EFCAB3: variants seen among roughly 807,000 people sequenced by gnomAD.
EFCAB3 encodes EF-hand calcium binding domain 3.
In EFCAB3, 36 loss-of-function variants were observed where a neutral mutation model predicts 42.2. The ratio of observed to expected loss-of-function variants is 0.85; its 90% CI spans 0.65 to 1.13. The LOEUF (loss-of-function observed/expected upper bound fraction) is 1.13. EFCAB3 is among the 50% of genes most tolerant of loss of function. The probability of loss-of-function intolerance (pLI) is 0.00; values close to 1 mark genes in which losing one functional copy is unlikely to be tolerated. For synonymous variants in EFCAB3, 170 were observed against 172.8 expected, an observed-to-expected ratio of 0.98 and a Z score of 0.13; for missense variants, 418 against 505.1, an observed-to-expected ratio of 0.83 and a Z score of 1.65.
At chr17:62,387,275 G>A (rs2144069723) in intron 2 of EFCAB3, 65 bp from the exon 3 acceptor site, 1 of 1,278,586 alleles carries the variant, frequency 7.8e-7, no homozygotes, top group South Asian at 1.2e-5. Context: ...AAACTGATGA[G>A]TAAGACTAAT....
chr17:62,393,731 G>T, intron 5 of EFCAB3, 87 bp downstream of exon 5: 1 of 1,173,350 alleles, frequency 8.5e-7, no homozygotes. Context: ...CCAGTCGGGA[G>T]ACAGGTCAGG....
At chr17:62,373,703 T>C in intron 1 of EFCAB3, 1 of 653,480 alleles carries the variant, frequency 1.5e-6, no homozygotes, top group South Asian at 1.8e-5. Context: ...ATGTTTCTAG[T>C]TCTTCTAACT....
intron 6 of EFCAB3, among the ~76,000 whole-genome samples, chr17:62,399,152 A>G (rs2070379604): frequency 6.6e-6 from 1 of 151,232 alleles, no homozygotes; most frequent in African/African-American, 2.4e-5. Context: ...AAAACCTTCA[A>G]AACCCTCCCA....
At chr17:62,400,506 G>A (rs1412268673) in intron 6 of EFCAB3, among the ~76,000 whole-genome samples, 1 of 152,128 alleles carries the variant, frequency 6.6e-6, no homozygotes, top group African/African-American at 2.4e-5. Context: ...GAGACAGTTT[G>A]CTCAGAATGA....
chr17:62,379,696 T>C (rs2070180037), upstream of EFCAB3, among the ~76,000 whole-genome samples: 1 of 152,144 alleles, frequency 6.6e-6, no homozygotes, highest in Non-Finnish European at 1.5e-5. Flanking sequence ...TAGCTAAGCC[T>C]TGGGTGCCAG....
At chr17:62,407,635 G>A (rs2070459818) in intron 8 of EFCAB3, among the ~76,000 whole-genome samples, 1 of 152,146 alleles carries the variant, frequency 6.6e-6, no homozygotes, top group South Asian at 2.1e-4. Context: ...CCCTCGACTA[G>A]ATCCCCATTT....
rs2070508714 is a variant in EFCAB3 at position 62,412,582 on chromosome 17, A to G, written c.868-1150A>G. 2.0e-5 allele frequency among the ~76,000 whole-genome samples: 3 copies of G among 151,812 alleles called. No individual in the cohort carries two copies. In the South Asian group the frequency reaches 6.2e-4, roughly 32 times the overall value. On this transcript the variant is annotated intron_variant, in intron 8 of 9. Transcript: ENST00000305286. ...CAGGCTCAAGCAATCCTCCCACTTCAGCCTCTCTAGTAGCTGGGACTACAG... is the reference window on the plus strand; with the variant it reads ...CAGGCTCAAGCAATCCTCCCACTTCGGCCTCTCTAGTAGCTGGGACTACAG...
In EFCAB3 at chr17:62,392,054, C is replaced by A. The variant is rs116546748; in HGVS notation, c.295+89C>A. ...TTAATGACTGTATAAACATGAGAAA[C>A]AAATCTTATTTACTTGCCCCCCCAA... On this transcript the variant is annotated intron_variant, in intron 4 of 9. Transcript: ENST00000305286. 5,834 of 1,294,540 alleles carry A rather than the reference C, an allele frequency of 4.5e-3. 164 individuals carry two copies. In the African/African-American group the frequency reaches 0.067, roughly 15 times the overall value. The allele number at this position is 1,294,540 out of a possible 1,614,324, so 80.2% of individuals were successfully genotyped here.
chr17:62,392,929 G>A (rs1006205197), intron 4 of EFCAB3, among the ~76,000 whole-genome samples: 4 of 152,312 alleles, frequency 2.6e-5, no homozygotes, highest in Non-Finnish European at 5.9e-5. Flanking sequence ...GAGCCACCAT[G>A]CCCAGCCATA....
At chr17:62,386,011 G>A (rs1324956506) in intron 2 of EFCAB3, among the ~76,000 whole-genome samples, 2 of 151,832 alleles carry the variant, frequency 1.3e-5, no homozygotes, top group Non-Finnish European at 1.5e-5. Context: ...ACAGGCATGA[G>A]CCACCGCACC....
chr17:62,373,955 T>C (rs1366079406), intron 2 of EFCAB3: 1 of 672,654 alleles, frequency 1.5e-6, no homozygotes, highest in Non-Finnish European at 2.4e-6. Flanking sequence ...ATAAAAGTAA[T>C]ATATGTTCAT....
chr17:62,404,496 A>G (rs1474564998), intron 6 of EFCAB3, among the ~76,000 whole-genome samples: 1 of 152,086 alleles, frequency 6.6e-6, no homozygotes, highest in Non-Finnish European at 1.5e-5. Context: ...TGTCTCTAAA[A>G]TAATAACAAT....
At chr17:62,380,634 G>C (rs1291892213) in intron 1 of EFCAB3, 21 bp downstream of exon 1, 4 of 978,148 alleles carry the variant, frequency 4.1e-6, no homozygotes, top group Non-Finnish European at 3.6e-6. Context: ...TGATTTTGTA[G>C]GATTCTATGC....
chr17:62,412,765 C>CAAAA (rs4058736), intron 8 of EFCAB3, among the ~76,000 whole-genome samples: 9 of 140,472 alleles, frequency 6.4e-5, no homozygotes, highest in African/African-American at 1.8e-4. Flanking sequence ...GACTCTGTCT[C>CAAAA]AAAAAAAAAA....
At position 62,373,890 on chromosome 17, in the gene EFCAB3, A is replaced by G. The variant is rs1390595898; in HGVS notation, c.88+23A>G. The G allele has an allele frequency of 2.4e-5, 30 of 1,232,546 alleles. No homozygotes were observed. In the East Asian group the frequency reaches 7.2e-4, roughly 30 times the overall value. 76.4% of individuals were successfully genotyped at this position (1,232,546 alleles called of 1,614,324 possible). The stretch of plus-strand genomic sequence containing the variant: ...AACGTAAGTGAAAATTTATTATACA[A>G]TATAAAATTATAATCTGATGCTATA... On this transcript the variant is annotated intron_variant, in intron 2 of 11. Coordinates refer to the EFCAB3 transcript ENST00000450662.
chr17:62,398,055 T>C, intron 6 of EFCAB3: 1 of 290,364 alleles, frequency 3.4e-6, no homozygotes, highest in Non-Finnish European at 6.4e-6. Flanking sequence ...AAGGTGATAT[T>C]CCTGGAGTCT....
intron 6 of EFCAB3, among the ~76,000 whole-genome samples, chr17:62,401,666 G>T (rs949179110): frequency 3.3e-5 from 5 of 152,182 alleles, no homozygotes; most frequent in African/African-American, 1.2e-4. Flanking sequence ...TTTGGTACCA[G>T]TACCATGCTG....
chr17:62,389,214 TTGTC>T (rs1441667762), intron 3 of EFCAB3, among the ~76,000 whole-genome samples: 1 of 152,204 alleles, frequency 6.6e-6, no homozygotes. Context: ...CTGTCCCTAG[TTGTC>T]TGGTACCTAG....
chr17:62,393,544 T>A (rs747711546), intron 4 of EFCAB3, 29 bp from the exon 5 acceptor site: 1 of 1,563,946 alleles, frequency 6.4e-7, no homozygotes, highest in South Asian at 1.1e-5. Flanking sequence ...CATCTTATCC[T>A]TGTCCTGAGT....
Sources: gnomAD v4.1 joint callset for allele counts (sites outside exome capture counted in the v4.1 genomes callset) on GRCh38, gnomAD v4.1.1 for gene constraint, MANE v1.5 for transcripts, NCBI Gene and HGNC (gene_info 2026-07-23, HGNC 2026-07-21) for gene names.